SPAG16: variants seen among roughly 807,000 people sequenced by gnomAD.
SPAG16 encodes sperm associated antigen 16.
In SPAG16, 86 loss-of-function variants were observed where a neutral mutation model predicts 80.4. That is an observed-to-expected ratio of 1.07 (90% CI 0.90 to 1.28). The LOEUF (loss-of-function observed/expected upper bound fraction) is 1.28, where lower values mean the gene tolerates loss of function less well. SPAG16 is among the 50% of genes most tolerant of loss of function. The pLI is 0.00. For missense variants in SPAG16, 870 were observed against 765.3 expected (o/e 1.14, Z -1.61); for synonymous variants, 294 against 265.9 (o/e 1.11, Z -1.03).
At chr2:214,031,027 T>C (rs1419324155) in intron 13 of SPAG16, among the ~76,000 whole-genome samples, 2 of 152,228 alleles carry the variant, frequency 1.3e-5, no homozygotes, top group African/African-American at 2.4e-5. Context: ...TATAAAGAAC[T>C]ACCTGAGTTT....
intron 10 of SPAG16, among the ~76,000 whole-genome samples, chr2:213,610,473 A>G (rs556172712): frequency 6.6e-6 from 1 of 152,320 alleles, no homozygotes; most frequent in East Asian, 1.9e-4. Flanking sequence ...TTTGCTGGCC[A>G]GACCTCCTGT....
At chr2:213,933,460 C>T (rs2078857914) in intron 12 of SPAG16, among the ~76,000 whole-genome samples, 1 of 152,130 alleles carries the variant, frequency 6.6e-6, no homozygotes, top group African/African-American at 2.4e-5. Flanking sequence ...GCTTTTCTTC[C>T]AAGGTAGCTG....
chr2:213,715,916 ATTAGT>A (rs918986962), intron 10 of SPAG16, among the ~76,000 whole-genome samples: 1 of 152,048 alleles, frequency 6.6e-6, no homozygotes, highest in Non-Finnish European at 1.5e-5. Flanking sequence ...GGGTCAGATA[ATTAGT>A]TAAGTGGGAA....
At chr2:213,853,014 T>C (rs2372258) in intron 10 of SPAG16, among the ~76,000 whole-genome samples, 39,945 of 152,166 alleles carry the variant, frequency 0.26, 5,832 homozygotes, top group Middle Eastern at 0.42. Flanking sequence ...ATATGTAATC[T>C]GTGAGTGTGT....
intron 10 of SPAG16, among the ~76,000 whole-genome samples, chr2:213,556,867 T>G (rs1467882344): frequency 6.6e-6 from 1 of 152,122 alleles, no homozygotes; most frequent in Non-Finnish European, 1.5e-5. Context: ...TCTTAACACA[T>G]GTAAGAAGAT....
At chr2:214,045,840 A>G (rs1423596357) in intron 13 of SPAG16, among the ~76,000 whole-genome samples, 1 of 152,194 alleles carries the variant, frequency 6.6e-6, no homozygotes, top group Non-Finnish European at 1.5e-5. Flanking sequence ...AATTAGCAGA[A>G]AAGAAATAAT....
intron 10 of SPAG16, among the ~76,000 whole-genome samples, chr2:213,742,047 G>T (rs546005175): frequency 1.3e-5 from 2 of 151,342 alleles, no homozygotes; most frequent in Non-Finnish European, 2.9e-5. Context: ...TTTAATTGGA[G>T]CATTAAATCA....
At chr2:213,762,514 A>G (rs540132476) in intron 10 of SPAG16, among the ~76,000 whole-genome samples, 1 of 152,328 alleles carries the variant, frequency 6.6e-6, no homozygotes, top group Admixed American at 6.5e-5. Flanking sequence ...TATCTTCAAC[A>G]AGGGGGCTAA....
intron 10 of SPAG16, among the ~76,000 whole-genome samples, chr2:213,573,565 A>G (rs1209173999): frequency 2.0e-5 from 3 of 152,220 alleles, no homozygotes; most frequent in Non-Finnish European, 2.9e-5. Context: ...TTTCTGCAGT[A>G]TAGAATTCTC....
At chr2:214,197,444 GAATGGACTATGTAT>G (rs200326492) in intron 15 of SPAG16, among the ~76,000 whole-genome samples, 3,165 of 151,892 alleles carry the variant, frequency 0.021, 55 homozygotes, top group Non-Finnish European at 0.031. Context: ...TCTACAATAT[GAATGGACTATGTAT>G]AATGGACTAT....
At position 213,444,591 on chromosome 2, in the gene SPAG16, T is replaced by G. The variant is rs148216730; in HGVS notation, c.943-45372T>G. 1.2e-4 allele frequency among the ~76,000 whole-genome samples: 19 copies of G among 152,356 alleles called. No homozygotes were observed. The East Asian group carries it at 3.3e-3, about 26-fold the overall frequency. On this transcript the variant is annotated intron_variant, in intron 9 of 15. Coordinates refer to ENST00000331683, the MANE Select transcript of SPAG16 (RefSeq NM_024532.5). ...TAAATTTTGGGTAGTATGGGCATTTTAACAATGTTGATTCATCTAATCCAT... is the reference window on the plus strand; with the variant it reads ...TAAATTTTGGGTAGTATGGGCATTTGAACAATGTTGATTCATCTAATCCAT...
intron 8 of SPAG16, among the ~76,000 whole-genome samples, chr2:213,367,232 G>C (rs1399458639): frequency 5.5e-5 from 2 of 36,138 alleles, no homozygotes; most frequent in African/African-American, 1.5e-4. Flanking sequence ...ATTGTGAATA[G>C]TGCCGCAATA....
At chr2:213,794,174 G>A (rs1354195066) in intron 10 of SPAG16, among the ~76,000 whole-genome samples, 1 of 151,916 alleles carries the variant, frequency 6.6e-6, no homozygotes, top group African/African-American at 2.4e-5. Flanking sequence ...TCTTAATATC[G>A]GAGAGTAGTT....
chr2:213,465,563 G>T (rs2072638293), intron 9 of SPAG16, among the ~76,000 whole-genome samples: 1 of 152,180 alleles, frequency 6.6e-6, no homozygotes, highest in Non-Finnish European at 1.5e-5. Context: ...ATTCTTAACT[G>T]AACTGTAGAT....
intron 15 of SPAG16, among the ~76,000 whole-genome samples, chr2:214,291,891 G>T (rs1010363019): frequency 6.6e-6 from 1 of 152,084 alleles, no homozygotes; most frequent in South Asian, 2.1e-4. Flanking sequence ...AGTAAATGTT[G>T]TCTTTTCGCT....
At chr2:213,993,279 C>A (rs2046368034) in intron 12 of SPAG16, among the ~76,000 whole-genome samples, 2 of 152,178 alleles carry the variant, frequency 1.3e-5, no homozygotes, top group Admixed American at 1.3e-4. Flanking sequence ...CAGACCCATG[C>A]TTATAACTAG....
At chr2:213,324,713 C>G (rs1348748864) in intron 5 of SPAG16, among the ~76,000 whole-genome samples, 1 of 152,062 alleles carries the variant, frequency 6.6e-6, no homozygotes, top group African/African-American at 2.4e-5. Context: ...CATTGAGGTA[C>G]AAATATTTGG....
chr2:213,334,468 AGAAAG>A (rs2064255342), intron 5 of SPAG16, among the ~76,000 whole-genome samples: 1 of 152,228 alleles, frequency 6.6e-6, no homozygotes. Context: ...TATACCCAAA[AGAAAG>A]GAAATCAGTA....
Position 213,408,238 on chromosome 2 carries a change from G to T in SPAG16, c.942+33119G>T, listed in dbSNP as rs183650551. On this transcript the variant is annotated intron_variant, in intron 9 of 15. Coordinates refer to ENST00000331683, the MANE Select transcript of SPAG16 (RefSeq NM_024532.5). ...TGCAACACTCCAATACCACCTTGTT[G>T]TAAGTGTAAACAAGGGCATAGCCAG... 4.2e-3 allele frequency among the ~76,000 whole-genome samples: 644 copies of T among 152,312 alleles called. 6 individuals are homozygous for T. Among genetic ancestry groups the T allele is most frequent in the African/African-American group, 0.015 (611 of 41,550 alleles).
Sources: gnomAD v4.1 joint callset for allele counts (sites outside exome capture counted in the v4.1 genomes callset) on GRCh38, gnomAD v4.1.1 for gene constraint, MANE v1.5 for transcripts, NCBI Gene and HGNC (gene_info 2026-07-23, HGNC 2026-07-21) for gene names.